LRRC63: variants seen among roughly 807,000 people sequenced by gnomAD.
LRRC63 encodes the protein leucine rich repeat containing 63, also known as leucine-rich repeat-containing protein 63.
A neutral mutation model predicts 49.5 loss-of-function variants in LRRC63; 40 were observed. The ratio of observed to expected loss-of-function variants is 0.81; its 90% CI spans 0.63 to 1.05. The LOEUF is 1.05. LRRC63 is among the 50% of genes least tolerant of loss of function. LRRC63 has a pLI of 0.00. For synonymous variants in LRRC63, 191 were observed against 221.1 expected, an observed-to-expected ratio of 0.86 and a Z score of 1.21; for missense variants, 636 against 663.1, an observed-to-expected ratio of 0.96 and a Z score of 0.45.
intron 7 of LRRC63, among the ~76,000 whole-genome samples, chr13:46,259,581 C>T (rs2047582144): frequency 6.6e-6 from 1 of 152,104 alleles, no homozygotes; most frequent in South Asian, 2.1e-4. Context: ...ATTTGAAAGC[C>T]GTGTCTTAAC....
At chr13:46,219,977 C>T (rs555844865) in intron 2 of LRRC63, among the ~76,000 whole-genome samples, 1 of 152,328 alleles carries the variant, frequency 6.6e-6, no homozygotes, top group Admixed American at 6.5e-5. Context: ...CCACTGGAAG[C>T]TTCATCCCAG....
chr13:46,270,299 A>G, intron 9 of LRRC63: 1 of 835,516 alleles, frequency 1.2e-6, no homozygotes, highest in Non-Finnish European at 2.1e-6. Flanking sequence ...TCCCAACTGT[A>G]GCAGACTTCA....
chr13:46,243,726 C>T (rs1219862603), intron 5 of LRRC63, among the ~76,000 whole-genome samples: 1 of 152,176 alleles, frequency 6.6e-6, no homozygotes, highest in African/African-American at 2.4e-5. Context: ...ATCCGCCTAC[C>T]TCGGCCTCCC....
chr13:46,265,159 CAA>C (rs71701775), intron 8 of LRRC63, among the ~76,000 whole-genome samples: 14,919 of 143,570 alleles, frequency 0.1, 1,305 homozygotes, highest in African/African-American at 0.24. Context: ...GACTCCATCT[CAA>C]AAAAAAAAAA....
chr13:46,236,568 C>G (rs1413327341), intron 5 of LRRC63, among the ~76,000 whole-genome samples: 2 of 151,994 alleles, frequency 1.3e-5, no homozygotes, highest in East Asian at 1.9e-4. Flanking sequence ...AAGTCTATAC[C>G]CAGAAAATCT....
At chr13:46,260,465 C>A (rs1291316911) in intron 7 of LRRC63, among the ~76,000 whole-genome samples, 1 of 152,120 alleles carries the variant, frequency 6.6e-6, no homozygotes. Flanking sequence ...TCAGCACTTA[C>A]GATGTACTAG....
chr13:46,235,214 A>T (rs943508092), intron 5 of LRRC63, among the ~76,000 whole-genome samples: 3 of 152,162 alleles, frequency 2.0e-5, no homozygotes, highest in African/African-American at 4.8e-5. Context: ...GTCGATCTGA[A>T]AAGATGAAGT....
exon 10 of LRRC63, chr13:46,277,051 G>C (rs912959249): frequency 6.6e-6 from 1 of 151,640 alleles, no homozygotes; most frequent in African/African-American, 2.4e-5. Context: ...GGGAATTGTT[G>C]CAGAATAATT....
At chr13:46,227,953 C>A in exon 3 of LRRC63, 2 of 1,550,764 alleles carry the variant, frequency 1.3e-6, no homozygotes, top group Non-Finnish European at 1.7e-6. Flanking sequence ...AAAATGCACC[C>A]TAAGCATCAA....
chr13:46,227,880 C>A (rs1431529897), exon 3 of LRRC63: 1 of 1,550,494 alleles, frequency 6.4e-7, no homozygotes. Flanking sequence ...CATTTTAATT[C>A]TTTCTTCCAA....
chr13:46,227,758 C>T, exon 3 of LRRC63: 1 of 1,550,470 alleles, frequency 6.4e-7, no homozygotes, highest in Non-Finnish European at 8.7e-7. Context: ...ATATTTTTTC[C>T]ACATTGTAAT....
At chr13:46,249,965 T>G (rs17067888) in intron 6 of LRRC63, 2,316 of 153,620 alleles carry the variant, frequency 0.015, 75 homozygotes, top group African/African-American at 0.051. Flanking sequence ...AATCTGGCTT[T>G]GATCTCTAAC....
At chr13:46,232,855 A>G (rs1046121672) in intron 4 of LRRC63, among the ~76,000 whole-genome samples, 3 of 152,260 alleles carry the variant, frequency 2.0e-5, no homozygotes, top group Non-Finnish European at 4.4e-5. Context: ...TATGATTACT[A>G]TGTCCAAGAA....
chr13:46,218,342 A>G (rs2046312117), intron 2 of LRRC63, among the ~76,000 whole-genome samples: 1 of 152,026 alleles, frequency 6.6e-6, no homozygotes, highest in Non-Finnish European at 1.5e-5. Flanking sequence ...CCCTTTACCC[A>G]TTATGTAATG....
intron 5 of LRRC63, among the ~76,000 whole-genome samples, chr13:46,243,970 A>G (rs1397800034): frequency 6.6e-6 from 1 of 152,238 alleles, no homozygotes; most frequent in Non-Finnish European, 1.5e-5. Context: ...GCTTATCTCT[A>G]CTACAAGAAA....
At position 46,231,184 on chromosome 13, in the gene LRRC63, C is replaced by T. The variant is rs370620122; in HGVS notation, c.832+2451C>T. On this transcript the variant is annotated intron_variant, in intron 4 of 9. Coordinates refer to ENST00000595396, the Ensembl canonical transcript of LRRC63. ...TCTGAGCCCTAGAAACTTCCAACCTCTGCCTGTTACCTGGTTCCAAAGTGG... is the reference window on the plus strand; with the variant it reads ...TCTGAGCCCTAGAAACTTCCAACCTTTGCCTGTTACCTGGTTCCAAAGTGG... Among the ~76,000 whole-genome samples the T allele has an allele frequency of 5.3e-4, 80 of 152,358 alleles. 1 individual carries two copies. The highest frequency in any genetic ancestry group is 1.8e-3 in the African/African-American group (75 of 41,574).
intron 5 of LRRC63, among the ~76,000 whole-genome samples, chr13:46,242,673 A>G (rs2047096592): frequency 6.6e-6 from 1 of 152,012 alleles, no homozygotes; most frequent in South Asian, 2.1e-4. Flanking sequence ...ACAAAGAATA[A>G]AGAAACATGT....
chr13:46,250,430 C>G, exon 7 of LRRC63: 1 of 1,534,448 alleles, frequency 6.5e-7, no homozygotes, highest in South Asian at 1.2e-5. Flanking sequence ...TGAAATTCAA[C>G]AACTTGAGTT....
chr13:46,240,403 A>C (rs979255538), intron 5 of LRRC63, among the ~76,000 whole-genome samples: 1 of 152,064 alleles, frequency 6.6e-6, no homozygotes, highest in African/African-American at 2.4e-5. Flanking sequence ...CTGGGATTAC[A>C]GGTGTGAGCC....
Sources: gnomAD v4.1 joint callset for allele counts (sites outside exome capture counted in the v4.1 genomes callset) on GRCh38, gnomAD v4.1.1 for gene constraint, MANE v1.5 for transcripts, NCBI Gene and HGNC (gene_info 2026-07-23, HGNC 2026-07-21) for gene names.